PCDH15: variants seen among roughly 807,000 people sequenced by gnomAD.
The protein encoded by PCDH15 is protocadherin-15.
In PCDH15, 129 loss-of-function variants were observed where a neutral mutation model predicts 178.5. The observed-to-expected ratio is 0.72, with a 90% confidence interval of 0.63 to 0.84. The LOEUF is 0.84. Ranked by LOEUF, PCDH15 falls within the 40% of genes least tolerant of loss-of-function variation. PCDH15 has a pLI of 0.00. For synonymous variants in PCDH15, 800 were observed against 732.0 expected (o/e 1.09, Z -1.50); for missense variants, 2,230 against 2,099.9 (o/e 1.06, Z -1.21).
chr10:55,351,768 T>C (rs1844940311), intron 2 of PCDH15, among the ~76,000 whole-genome samples: 1 of 152,190 alleles, frequency 6.6e-6, no homozygotes, highest in Non-Finnish European at 1.5e-5. Flanking sequence ...GAATTAATGT[T>C]TTCCCTTTCA....
intron 3 of PCDH15, among the ~76,000 whole-genome samples, chr10:54,837,910 A>C (rs1237271362): frequency 3.3e-5 from 5 of 152,094 alleles, no homozygotes; most frequent in African/African-American, 1.2e-4. Flanking sequence ...AGGGCCAATG[A>C]ATGAGTTACT....
chr10:54,068,821 AATT>A (rs768162098), intron 17 of PCDH15, among the ~76,000 whole-genome samples: 1 of 152,134 alleles, frequency 6.6e-6, no homozygotes, highest in African/African-American at 2.4e-5. Flanking sequence ...TAAGCTGTAG[AATT>A]ATTGTTTGTG....
intron 1 of PCDH15, among the ~76,000 whole-genome samples, chr10:55,242,104 G>C (rs1330204871): frequency 1.3e-5 from 2 of 152,174 alleles, no homozygotes; most frequent in African/African-American, 2.4e-5. Flanking sequence ...CACATGACTA[G>C]TGAGGAGGCA....
chr10:54,753,467 G>A (rs531398358), intron 1 of PCDH15, among the ~76,000 whole-genome samples: 1 of 152,232 alleles, frequency 6.6e-6, no homozygotes, highest in East Asian at 1.9e-4. Flanking sequence ...ACAGGCGTGA[G>A]CCACCAGGTC....
At chr10:54,542,041 T>A (rs1027221010) in intron 2 of PCDH15, among the ~76,000 whole-genome samples, 8 of 152,220 alleles carry the variant, frequency 5.3e-5, no homozygotes, top group African/African-American at 1.9e-4. Flanking sequence ...ATTATAAGCA[T>A]TTAATTACTT....
rs569219598 is a variant in PCDH15 at position 54,849,937 on chromosome 10, A to G, written c.-29+47513T>C. ...TCTATGACTATTTGAAGGGTATATC[A>G]TGACCTGATCTGTGTTAGGATAAAA... On this transcript the variant is annotated intron_variant, in intron 3 of 5. Transcript: ENST00000458638. 1.8e-4 allele frequency among the ~76,000 whole-genome samples: 28 copies of G among 152,314 alleles called. No individual in the cohort carries two copies. In the South Asian group the frequency reaches 5.2e-3, roughly 28 times the overall value.
At chr10:54,375,367 T>C (rs1018781158) in intron 4 of PCDH15, among the ~76,000 whole-genome samples, 1 of 152,026 alleles carries the variant, frequency 6.6e-6, no homozygotes, top group African/African-American at 2.4e-5. Context: ...AAATAGAGAA[T>C]ATGCACAGAG....
At chr10:54,370,602 A>T (rs1201388822) in intron 4 of PCDH15, among the ~76,000 whole-genome samples, 1 of 151,892 alleles carries the variant, frequency 6.6e-6, no homozygotes, top group Non-Finnish European at 1.5e-5. Flanking sequence ...AAGTATCTCT[A>T]TGCTTCGTTT....
intron 3 of PCDH15, among the ~76,000 whole-genome samples, chr10:54,443,176 T>G (rs55932234): frequency 0.056 from 8,431 of 151,580 alleles, 307 homozygotes; most frequent in Admixed American, 0.11. Flanking sequence ...ATAGCAGCAA[T>G]TTTTTTTCCT....
intron 2 of PCDH15, among the ~76,000 whole-genome samples, chr10:55,378,541 C>G (rs1837453447): frequency 6.6e-6 from 1 of 152,066 alleles, no homozygotes; most frequent in South Asian, 2.1e-4. Flanking sequence ...TTTTATGGAA[C>G]TATTTACCTC....
At chr10:55,372,700 C>T (rs1257329824) in intron 2 of PCDH15, among the ~76,000 whole-genome samples, 1 of 152,090 alleles carries the variant, frequency 6.6e-6, no homozygotes, top group East Asian at 1.9e-4. Flanking sequence ...TCATGCAGCT[C>T]TCCTTCCAAA....
At chr10:55,386,175 T>C (rs941365001) in intron 2 of PCDH15, among the ~76,000 whole-genome samples, 2 of 152,010 alleles carry the variant, frequency 1.3e-5, no homozygotes, top group Non-Finnish European at 2.9e-5. Context: ...GGAAATTTTG[T>C]TTTAATGGTG....
intron 2 of PCDH15, among the ~76,000 whole-genome samples, chr10:55,381,543 T>C (rs142712321): frequency 3.7e-4 from 57 of 152,190 alleles, no homozygotes; most frequent in South Asian, 1.9e-3. Flanking sequence ...GGAATTTAAG[T>C]CTTTATAATT....
chr10:55,069,063 AT>A (rs34609396), intron 2 of PCDH15, among the ~76,000 whole-genome samples: 38,560 of 143,094 alleles, frequency 0.27, 5,700 homozygotes, highest in African/African-American at 0.41. Context: ...ATGTCCAGCT[AT>A]TTTTTTTTTT....
chr10:55,615,346 A>G (rs1004329132), intron 2 of PCDH15, among the ~76,000 whole-genome samples: 2 of 152,216 alleles, frequency 1.3e-5, no homozygotes, highest in African/African-American at 4.8e-5. Flanking sequence ...ACTCATTGGA[A>G]ACACTGCAAA....
intron 3 of PCDH15, among the ~76,000 whole-genome samples, chr10:54,397,988 G>C (rs1316293057): frequency 6.6e-6 from 1 of 151,878 alleles, no homozygotes; most frequent in African/African-American, 2.4e-5. Flanking sequence ...CACTATCCCA[G>C]TTGGTCACAA....
intron 7 of PCDH15, among the ~76,000 whole-genome samples, chr10:54,324,573 C>T (rs1168397064): frequency 6.6e-6 from 1 of 152,010 alleles, no homozygotes; most frequent in African/African-American, 2.4e-5. Flanking sequence ...TCAGACCAGC[C>T]TGTCCAGCAC....
chr10:54,164,761 T>C (rs2046044661), intron 13 of PCDH15, among the ~76,000 whole-genome samples: 1 of 152,196 alleles, frequency 6.6e-6, no homozygotes, highest in Non-Finnish European at 1.5e-5. Context: ...CAGAAATGTG[T>C]AGCAAGTGGG....
intron 34 of PCDH15, among the ~76,000 whole-genome samples, chr10:53,816,945 C>A (rs1408410828): frequency 6.6e-6 from 1 of 152,120 alleles, no homozygotes. Context: ...TGATCTGTTT[C>A]ATAATAATAC....
Sources: gnomAD v4.1 joint callset for allele counts (sites outside exome capture counted in the v4.1 genomes callset) on GRCh38, gnomAD v4.1.1 for gene constraint, MANE v1.5 for transcripts, NCBI Gene and HGNC (gene_info 2026-07-23, HGNC 2026-07-21) for gene names.